ZRANB3: variants seen among roughly 807,000 people sequenced by gnomAD.
ZRANB3 encodes the protein zinc finger RANBP2-type containing 3.
ZRANB3 carries 125 observed loss-of-function variants against 133.8 expected under a neutral mutation model. The observed-to-expected ratio is 0.93, with a 90% CI of 0.81 to 1.08. The LOEUF (loss-of-function observed/expected upper bound fraction) is 1.08, where lower values mean the gene tolerates loss of function less well. Ranked by LOEUF, ZRANB3 falls within the 50% of genes least tolerant of loss-of-function variation. The probability of loss-of-function intolerance (pLI) is 0.00; values close to 1 mark genes in which losing one functional copy is unlikely to be tolerated. For synonymous variants in ZRANB3, 387 were observed against 432.7 expected (o/e 0.89, Z 1.31); for missense variants, 1,229 against 1,275.5 (o/e 0.96, Z 0.56).
intron 12 of ZRANB3, among the ~76,000 whole-genome samples, chr2:135,242,206 T>C (rs1252285577): frequency 6.7e-6 from 1 of 150,346 alleles, no homozygotes; most frequent in Non-Finnish European, 1.5e-5. Context: ...GACAATTGGA[T>C]TTAGGTATCA....
intron 9 of ZRANB3, among the ~76,000 whole-genome samples, chr2:135,273,878 C>G (rs567784126): frequency 1.3e-5 from 2 of 152,100 alleles, no homozygotes; most frequent in South Asian, 4.1e-4. Flanking sequence ...AAATGGGATT[C>G]TAAACATATC....
intron 12 of ZRANB3, among the ~76,000 whole-genome samples, chr2:135,246,104 T>C (rs1254011124): frequency 7.1e-6 from 1 of 141,168 alleles, no homozygotes; most frequent in Non-Finnish European, 1.5e-5. Context: ...AATGGTGTGA[T>C]CTCGGCTCAC....
intron 2 of ZRANB3, among the ~76,000 whole-genome samples, chr2:135,455,252 G>A (rs548962206): frequency 1.6e-5 from 2 of 123,686 alleles, no homozygotes; most frequent in South Asian, 2.8e-4. Context: ...GCAATGGCAC[G>A]ATTTTGGCTC....
In ZRANB3 at chr2:135,207,626, T is replaced by A. The variant is rs767895088; in HGVS notation, c.2817A>T (p.Lys939Asn). 1 of 1,614,020 alleles carries A rather than the reference T, an allele frequency of 6.2e-7. No individual in the cohort carries two copies. The highest frequency in any genetic ancestry group is 8.5e-7 in the Non-Finnish European group (1 of 1,179,880). ...NSWDSRFCSLKCQEEFWIRSN... is the reference protein window; with the variant it reads ...NSWDSRFCSLNCQEEFWIRSN... ...ATCGAATCCAAAACTCTTCCTGACA[T>A]TTCAGAGAGCAAAACCGTGAATCCC... The change falls in exon 19 of 21, where the codon AAA becomes AAT. Residue 939 changes from lysine (K) to asparagine (N), a missense_variant. Physicochemically the swap from Lys to Asn is moderately conservative, Grantham distance 94. Coordinates refer to ENST00000264159, the MANE Select transcript of ZRANB3 (RefSeq NM_032143.4).
chr2:135,200,179 A>G lies in ZRANB3; in HGVS notation c.*163T>C. On this transcript the variant is annotated 3_prime_UTR_variant, in exon 21 of 21. Coordinates refer to ENST00000264159, the MANE Select transcript of ZRANB3 (RefSeq NM_032143.4). ...ATCTTAGTTTCTGTTAAGTACTTTCAAAATGTATTTAATACTAAAAGTAAT... is the reference window on the plus strand; with the variant it reads ...ATCTTAGTTTCTGTTAAGTACTTTCGAAATGTATTTAATACTAAAAGTAAT... 1 of 680,146 alleles carries G rather than the reference A, an allele frequency of 1.5e-6. No individual in the cohort carries two copies. The highest frequency in any genetic ancestry group is 2.6e-6 in the Non-Finnish European group (1 of 382,654). 42.1% of individuals were successfully genotyped at this position (680,146 alleles called of 1,614,324 possible).
chr2:135,363,802 T>C (rs985438806), intron 3 of ZRANB3, among the ~76,000 whole-genome samples: 5 of 152,212 alleles, frequency 3.3e-5, no homozygotes, highest in African/African-American at 9.7e-5. Flanking sequence ...TCTGATTCAA[T>C]AGAAATGGAC....
intron 8 of ZRANB3, among the ~76,000 whole-genome samples, chr2:135,287,861 C>T (rs186833067): frequency 2.3e-3 from 344 of 151,984 alleles, no homozygotes; most frequent in African/African-American, 6.0e-3. Flanking sequence ...TCTGGGTATA[C>T]GATCTTATCA....
intron 2 of ZRANB3, among the ~76,000 whole-genome samples, chr2:135,495,865 A>G (rs1692638305): frequency 6.6e-6 from 1 of 152,176 alleles, no homozygotes; most frequent in Admixed American, 6.5e-5. Context: ...TCAAATCCAT[A>G]TATTTTATTA....
intron 2 of ZRANB3, among the ~76,000 whole-genome samples, chr2:135,475,493 T>C (rs1426698488): frequency 6.6e-6 from 1 of 152,232 alleles, no homozygotes; most frequent in African/African-American, 2.4e-5. Flanking sequence ...TTCATAGAGT[T>C]TTAAGAGTAT....
chr2:135,478,720 C>G (rs562649793), intron 2 of ZRANB3, among the ~76,000 whole-genome samples: 2 of 152,048 alleles, frequency 1.3e-5, no homozygotes, highest in Admixed American at 1.3e-4. Flanking sequence ...ATGATTATCT[C>G]CCATTACAGA....
intron 2 of ZRANB3, among the ~76,000 whole-genome samples, chr2:135,420,112 T>C (rs1688774081): frequency 1.6e-5 from 2 of 127,670 alleles, no homozygotes; most frequent in African/African-American, 6.9e-5. Flanking sequence ...TATATATATA[T>C]ATATATATAT....
intron 8 of ZRANB3, among the ~76,000 whole-genome samples, chr2:135,283,730 A>G (rs1043392429): frequency 6.6e-6 from 1 of 152,198 alleles, no homozygotes; most frequent in Non-Finnish European, 1.5e-5. Flanking sequence ...AGTACAGAAT[A>G]CACCTTATTT....
At chr2:135,293,605 T>C (rs980219395) in intron 8 of ZRANB3, among the ~76,000 whole-genome samples, 1 of 152,052 alleles carries the variant, frequency 6.6e-6, no homozygotes, top group Non-Finnish European at 1.5e-5. Context: ...CCTGCCTCAT[T>C]GCCCTGGCCA....
chr2:135,337,166 C>G (rs1684406074), intron 6 of ZRANB3, among the ~76,000 whole-genome samples: 1 of 152,146 alleles, frequency 6.6e-6, no homozygotes, highest in Non-Finnish European at 1.5e-5. Flanking sequence ...AAACCCGATA[C>G]CCACCATGGT....
chr2:135,272,011 T>C lies in ZRANB3; in HGVS notation c.1087-124A>G, dbSNP rs1435213423. 7 of 1,052,448 alleles carry C rather than the reference T, an allele frequency of 6.7e-6. No individual in the cohort carries two copies. The East Asian group carries it at 2.1e-4, about 31-fold the overall frequency. The allele number at this position is 1,052,448 out of a possible 1,614,324, so 65.2% of individuals were successfully genotyped here. On this transcript the variant is annotated intron_variant, in intron 9 of 20. Transcript: ENST00000264159. ...ATGGAACTTGGTTAAGGTGACAGATTGGTAAATGTTATACAAGAAGAATCT... is the reference window on the plus strand; with the variant it reads ...ATGGAACTTGGTTAAGGTGACAGATCGGTAAATGTTATACAAGAAGAATCT...
chr2:135,436,271 T>C (rs1413624703), intron 2 of ZRANB3, among the ~76,000 whole-genome samples: 2 of 152,164 alleles, frequency 1.3e-5, no homozygotes, highest in Non-Finnish European at 2.9e-5. Flanking sequence ...TTTTGTCAGA[T>C]AGTCATAGAT....
At chr2:135,399,889 C>T (rs957517035) in intron 2 of ZRANB3, among the ~76,000 whole-genome samples, 2 of 152,062 alleles carry the variant, frequency 1.3e-5, no homozygotes, top group African/African-American at 4.8e-5. Flanking sequence ...ATTTGTTTTT[C>T]GAAAAGGTTT....
At chr2:135,211,497 C>T (rs369150875) in intron 17 of ZRANB3, among the ~76,000 whole-genome samples, 3 of 152,214 alleles carry the variant, frequency 2.0e-5, no homozygotes, top group East Asian at 3.9e-4. Context: ...GCTGAGATCC[C>T]GCCACTGCAC....
intron 3 of ZRANB3, among the ~76,000 whole-genome samples, chr2:135,375,856 CA>C (rs551172839): frequency 1.3e-3 from 172 of 137,154 alleles, no homozygotes; most frequent in Admixed American, 1.6e-3. Context: ...AACTCCATCT[CA>C]AAAAAAAAAA....
Sources: gnomAD v4.1 joint callset for allele counts (sites outside exome capture counted in the v4.1 genomes callset) on GRCh38, gnomAD v4.1.1 for gene constraint, MANE v1.5 for transcripts, NCBI Gene and HGNC (gene_info 2026-07-23, HGNC 2026-07-21) for gene names.